ZC3H6: variants seen among roughly 807,000 people sequenced by gnomAD.
ZC3H6 encodes zinc finger CCCH domain-containing protein 6.
A neutral mutation model predicts 107.7 loss-of-function variants in ZC3H6; 40 were observed. That is an observed-to-expected ratio of 0.37 (90% confidence interval 0.29 to 0.48). The LOEUF is 0.48. Ranked by LOEUF, ZC3H6 falls within the 20% of genes least tolerant of loss-of-function variation. ZC3H6 has a pLI of 0.98. For synonymous variants in ZC3H6, 493 were observed against 487.9 expected (o/e 1.01, Z -0.14); for missense variants, 1,267 against 1,410.4 (o/e 0.90, Z 1.63).
rs1236688730 is a variant in ZC3H6 at position 112,324,633 on chromosome 2, C to T, written c.1822C>T (p.His608Tyr). The change falls in exon 10 of 12, where the codon CAT (histidine) becomes TAT (tyrosine). Residue 608 changes from histidine to tyrosine, a missense_variant. His to Tyr is a moderately conservative substitution (Grantham distance 83). Around this residue, in one of 3 missense-constraint regions of ZC3H6, gnomAD observed 925 missense variants for 1,025.7 expected, o/e 0.90. Transcript: ENST00000409871. ...TAATTACTATGCACAGCATTCTATACATAATTTTCAGCCACCCAATAACTC... is the reference window on the plus strand; with the variant it reads ...TAATTACTATGCACAGCATTCTATATATAATTTTCAGCCACCCAATAACTC... ...YDNYYAQHSI[H>Y]NFQPPNNSGD... The T allele has an allele frequency of 6.2e-7, 1 of 1,606,534 alleles. No individual in the cohort carries two copies. The highest frequency in any genetic ancestry group is 8.5e-7 in the Non-Finnish European group (1 of 1,175,546).
chr2:112,327,223 G>T lies in ZC3H6; in HGVS notation c.2086+2026G>T, dbSNP rs1006149367. On this transcript the variant is annotated intron_variant, in intron 11 of 11. Coordinates refer to ENST00000409871, the MANE Select transcript of ZC3H6 (RefSeq NM_198581.3). ...TTGGATAAGACCCATTTTAACTGGG[G>T]TGAGATGATATCTTACTGTAGTTTT... 2.0e-5 allele frequency among the ~76,000 whole-genome samples: 3 copies of T among 152,074 alleles called. No individual in the cohort carries two copies. In the South Asian group the frequency reaches 6.2e-4, roughly 32 times the overall value.
chr2:112,299,890 G>A lies in ZC3H6; in HGVS notation c.74G>A (p.Gly25Glu). ...ELEDGEIDDA[G>E]FEEIQEKEAK... ...GAAGATGGTGAAATAGACGATGCAG[G>A]ATTTGAAGAAATACAAGAAAAAGAA... Residue 25 changes from glycine to glutamate, a missense_variant, in exon 2 of 12, where the codon GGA (glycine) becomes GAA (glutamate). Gly to Glu is a moderately conservative substitution (Grantham distance 98). Around this residue, in one of 3 missense-constraint regions of ZC3H6, gnomAD observed 337 missense variants for 361.2 expected, o/e 0.93. Transcript: ENST00000409871. The A allele has an allele frequency of 6.7e-7, 1 of 1,492,438 alleles. No homozygotes were observed. The highest frequency in any genetic ancestry group is 2.6e-5 in the East Asian group (1 of 38,806). 92.4% of individuals were successfully genotyped at this position (1,492,438 alleles called of 1,614,324 possible).
At chr2:112,328,202 T>C (rs1248440564) in intron 11 of ZC3H6, among the ~76,000 whole-genome samples, 3 of 152,170 alleles carry the variant, frequency 2.0e-5, no homozygotes, top group Admixed American at 2.0e-4. Flanking sequence ...TATGTGTCTG[T>C]TTTTATGGAG....
At chr2:112,317,384 T>G (rs1161232977) in intron 7 of ZC3H6, 52 bp downstream of exon 7, 3 of 1,039,318 alleles carry the variant, frequency 2.9e-6, no homozygotes, top group Non-Finnish European at 4.1e-6. Flanking sequence ...TTTTAAAGCA[T>G]CATTGAGGTT....
chr2:112,294,263 TATC>T (rs1438215292), intron 1 of ZC3H6, among the ~76,000 whole-genome samples: 1 of 152,212 alleles, frequency 6.6e-6, no homozygotes, highest in Non-Finnish European at 1.5e-5. Flanking sequence ...TATCCTACCT[TATC>T]ATCTATAGTA....
At chr2:112,296,696 G>C (rs1676242850) in intron 1 of ZC3H6, among the ~76,000 whole-genome samples, 1 of 152,152 alleles carries the variant, frequency 6.6e-6, no homozygotes, top group Non-Finnish European at 1.5e-5. Context: ...AGCCACTTTA[G>C]GGTCGTATCA....
intron 1 of ZC3H6, among the ~76,000 whole-genome samples, chr2:112,298,976 A>T (rs1479838702): frequency 6.6e-6 from 1 of 150,974 alleles, no homozygotes; most frequent in Non-Finnish European, 1.5e-5. Flanking sequence ...AAATAAAAAT[A>T]AAAAAAGAAT....
At chr2:112,288,197 G>A (rs1686645548) in intron 1 of ZC3H6, among the ~76,000 whole-genome samples, 1 of 151,240 alleles carries the variant, frequency 6.6e-6, no homozygotes, top group African/African-American at 2.4e-5. Flanking sequence ...GTCTATTCCA[G>A]CTTCCTTTCA....
chr2:112,286,512 A>G lies in ZC3H6; in HGVS notation c.32+10486A>G, dbSNP rs184258019. The G allele has an allele frequency of 1.1e-3, 162 of 153,598 alleles. 1 individual carries two copies. Among genetic ancestry groups the G allele is most frequent in the South Asian group, 2.0e-3 (10 of 4,998 alleles). 9.5% of individuals were successfully genotyped at this position (153,598 alleles called of 1,614,324 possible). On this transcript the variant is annotated intron_variant, in intron 1 of 11. Coordinates refer to ENST00000409871, the MANE Select transcript of ZC3H6 (RefSeq NM_198581.3). ...GAGTGCAGTGGCGCAATCTCGGCGC[A>G]CTGCAACCTCCGCCTCCCGAGTTCG...
chr2:112,285,130 ACT>A (rs1225466166), intron 1 of ZC3H6, among the ~76,000 whole-genome samples: 1 of 152,180 alleles, frequency 6.6e-6, no homozygotes, highest in Non-Finnish European at 1.5e-5. Flanking sequence ...TCATTAGCTA[ACT>A]CTCTCAATAT....
At chr2:112,323,149 C>G (rs887064941) in intron 9 of ZC3H6, among the ~76,000 whole-genome samples, 1 of 152,086 alleles carries the variant, frequency 6.6e-6, no homozygotes, top group Non-Finnish European at 1.5e-5. Context: ...CCTGAAGAAC[C>G]CTGCCTGGTG....
At chr2:112,290,314 C>T (rs912323741) in intron 1 of ZC3H6, among the ~76,000 whole-genome samples, 3 of 152,256 alleles carry the variant, frequency 2.0e-5, no homozygotes, top group Non-Finnish European at 4.4e-5. Context: ...AAGTTTTGCT[C>T]ATCCTATTCC....
At chr2:112,317,458 C>A (rs1676720635) in intron 7 of ZC3H6, 126 bp downstream of exon 7, 1 of 526,282 alleles carries the variant, frequency 1.9e-6, no homozygotes, top group Non-Finnish European at 3.3e-6. Flanking sequence ...CAACACATTA[C>A]ATAAACCCAG....
At chr2:112,310,556 G>T (rs1676574623) in intron 4 of ZC3H6, among the ~76,000 whole-genome samples, 1 of 152,162 alleles carries the variant, frequency 6.6e-6, no homozygotes, top group African/African-American at 2.4e-5. Context: ...AAGCAAGTGT[G>T]CATGGACTAT....
intron 1 of ZC3H6, among the ~76,000 whole-genome samples, chr2:112,295,217 A>G (rs1573951434): frequency 6.6e-6 from 1 of 152,306 alleles, no homozygotes; most frequent in East Asian, 1.9e-4. Flanking sequence ...CAAGAACATG[A>G]ATATGCTCCT....
intron 10 of ZC3H6, 145 bp downstream of exon 10, chr2:112,324,808 A>G: frequency 8.7e-7 from 1 of 1,154,820 alleles, no homozygotes; most frequent in Non-Finnish European, 1.2e-6. Flanking sequence ...AGTTTGCCAA[A>G]CTTTTGAAAC....
chr2:112,301,823 TCAA>T (rs1440096918), intron 2 of ZC3H6, among the ~76,000 whole-genome samples: 6 of 151,576 alleles, frequency 4.0e-5, no homozygotes, highest in Admixed American at 3.3e-4. Context: ...TTAAAAAAGA[TCAA>T]CAACATATAT....
Position 112,339,127 on chromosome 2 carries a change from C to G in ZC3H6, c.*6639C>G, listed in dbSNP as rs1050684523. On this transcript the variant is annotated 3_prime_UTR_variant, in exon 12 of 12. Coordinates refer to ENST00000409871, the MANE Select transcript of ZC3H6 (RefSeq NM_198581.3). Reference sequence around the variant, plus strand: ...CAGGCTGATTTCGAACTCCTGACCTCAAATGATCCACCGACCTGAGCCTCC... The same window carrying G: ...CAGGCTGATTTCGAACTCCTGACCTGAAATGATCCACCGACCTGAGCCTCC... 6.6e-6 allele frequency: 1 copy of G among 151,940 alleles called. No homozygotes were observed. The highest frequency in any genetic ancestry group is 2.4e-5 in the African/African-American group (1 of 41,398). The allele number at this position is 151,940 out of a possible 1,614,324, so 9.4% of individuals were successfully genotyped here.
chr2:112,325,997 T>C (rs1437611061), intron 11 of ZC3H6, among the ~76,000 whole-genome samples: 3 of 152,004 alleles, frequency 2.0e-5, no homozygotes, highest in Non-Finnish European at 4.4e-5. Flanking sequence ...TGAAAAACTA[T>C]GTAAAACTAT....
Sources: allele counts gnomAD v4.1 joint callset (sites outside exome capture counted in the v4.1 genomes callset), GRCh38; gene constraint gnomAD v4.1.1; regional missense constraint gnomAD v4.1.1; transcripts MANE v1.5; gene names NCBI Gene and HGNC (gene_info 2026-07-23, HGNC 2026-07-21).